ADCK5: variants seen among roughly 807,000 people sequenced by gnomAD.
ADCK5 encodes the protein aarF domain containing kinase 5, also known as uncharacterized aarF domain-containing protein kinase 5.
A neutral mutation model predicts 64.9 loss-of-function variants in ADCK5; 43 were observed. That is an observed-to-expected ratio of 0.66 (90% CI 0.52 to 0.85). The LOEUF is 0.85. Ranked by LOEUF, ADCK5 falls within the 40% of genes least tolerant of loss-of-function variation. ADCK5 has a pLI of 0.00. For missense variants in ADCK5, 760 were observed against 810.5 expected, an observed-to-expected ratio of 0.94 and a Z score of 0.76; for synonymous variants, 434 against 342.8, an observed-to-expected ratio of 1.27 and a Z score of -2.94.
intron 2 of ADCK5, among the ~76,000 whole-genome samples, chr8:144,382,288 G>T (rs148919727): frequency 1.3e-5 from 2 of 152,038 alleles, no homozygotes; most frequent in East Asian, 3.9e-4. Context: ...ATTATGGGCC[G>T]GGTGCAGAAA....
intron 12 of ADCK5, 25 bp from the exon 13 acceptor site, chr8:144,392,420 C>T (rs1311363279): frequency 2.2e-6 from 3 of 1,345,888 alleles, no homozygotes; most frequent in East Asian, 2.6e-5. Flanking sequence ...GAGCCCCCTC[C>T]CTCCCTCCCT....
At chr8:144,375,346 G>A in intron 1 of ADCK5, 1 of 642,908 alleles carries the variant, frequency 1.6e-6, no homozygotes, top group Non-Finnish European at 1.9e-6. Context: ...ACCCTGCCCA[G>A]ACTCCCAATC....
rs1194313074 is a variant in ADCK5, at chr8:144,392,545, G to C, written c.1368G>C (p.Val456=). 5.8e-6 allele frequency: 9 copies of C among 1,564,374 alleles called. No homozygotes were observed. Among genetic ancestry groups the C allele is most frequent in the Non-Finnish European group, 7.8e-6 (9 of 1,161,138 alleles). ...GCCGCGAAGAGGCGGCCTACATGGT[G>C]GACATGGCCCGCGAGCGCTTCGAGG... is the stretch of plus-strand genomic sequence containing the variant. ...LLSREEAAYM[V]DMARERFEAV... The change falls in exon 13 of 15, where the codon GTG becomes GTC. Residue 456 remains valine, a synonymous_variant. Coordinates refer to ENST00000308860, the MANE Select transcript of ADCK5 (RefSeq NM_174922.5).
Position 144,392,849 on chromosome 8 carries a change from G to A in ADCK5, c.1594G>A (p.Ala532Thr), listed in dbSNP as rs1392501972. 3.1e-6 allele frequency: 5 copies of A among 1,596,042 alleles called. No individual in the cohort carries two copies. The highest frequency in any genetic ancestry group is 1.3e-5 in the African/African-American group (1 of 74,822). Residue 532 changes from alanine (A) to threonine (T), a missense_variant, in exon 14 of 15, where the codon GCC becomes ACC. By Grantham distance (58) the Ala-to-Thr change is moderately conservative (BLOSUM62 0). This residue lies in a region of ADCK5 where 333 missense variants were observed against 292.0 expected (regional missense o/e 1.14). Coordinates refer to ENST00000308860, the MANE Select transcript of ADCK5 (RefSeq NM_174922.5). ...CTACGGCACCAGCCTCCTGCGCCAC[G>A]CCAAGGTCGTCTGGGAGATGCTCAA... Reference protein sequence around the residue: ...GVYGTSLLRHAKVVWEMLKFE... With the variant: ...GVYGTSLLRHTKVVWEMLKFE...
rs1483071504 is a variant in ADCK5, at chr8:144,384,236, G to A, written c.266+1006G>A. On this transcript the variant is annotated intron_variant, in intron 3 of 14. Coordinates refer to ENST00000308860, the MANE Select transcript of ADCK5 (RefSeq NM_174922.5). This position sits in a 1 kb window ranked among gnomAD's most constrained non-coding sequence, Gnocchi z 5.7. ...CCCCCAAAGCCCTTTTGAATGGAGC[G>A]TCAGGGCAGGAAGGAGGCAGGGAGG... 2.0e-5 allele frequency among the ~76,000 whole-genome samples: 3 copies of A among 152,020 alleles called. No homozygotes were observed. The highest frequency in any genetic ancestry group is 2.4e-5 in the African/African-American group (1 of 41,392).
In ADCK5 at chr8:144,393,188, C is replaced by T. The variant is rs1820419758; in HGVS notation, c.*114C>T. Reference sequence around the variant, plus strand: ...GGGCACTCGCACTGGGGGGCTGTGACAGCAGCTGGGCCAGGAGGCCGTGTA... The same window carrying T: ...GGGCACTCGCACTGGGGGGCTGTGATAGCAGCTGGGCCAGGAGGCCGTGTA... On this transcript the variant is annotated 3_prime_UTR_variant, in exon 15 of 15. Coordinates refer to ENST00000308860, the MANE Select transcript of ADCK5 (RefSeq NM_174922.5). 4.4e-6 allele frequency: 6 copies of T among 1,349,762 alleles called. No homozygotes were observed. The highest frequency in any genetic ancestry group is 2.7e-5 in the Admixed American group (1 of 36,864). The allele number at this position is 1,349,762 out of a possible 1,614,324, so 83.6% of individuals were successfully genotyped here.
chr8:144,373,964 A>G, upstream of ADCK5: 1 of 1,050,302 alleles, frequency 9.5e-7, no homozygotes, highest in Non-Finnish European at 1.2e-6. Flanking sequence ...CGTGGCCTCC[A>G]GCCTCGCCCA....
At chr8:144,373,917 GA>G, upstream of ADCK5, 1 of 677,606 alleles carries the variant, frequency 1.5e-6, no homozygotes, top group African/African-American at 1.9e-5. Context: ...GCCGCCAGGG[GA>G]CGCTGCCCCG....
intron 2 of ADCK5, among the ~76,000 whole-genome samples, chr8:144,379,777 TC>T (rs1297246446): frequency 2.0e-5 from 3 of 151,964 alleles, no homozygotes; most frequent in Non-Finnish European, 4.4e-5. Flanking sequence ...GCAAACCGGG[TC>T]ATTCAGAGCA....
chr8:144,385,523 G>T (rs1019381353), intron 3 of ADCK5, among the ~76,000 whole-genome samples: 3 of 150,956 alleles, frequency 2.0e-5, no homozygotes, highest in Non-Finnish European at 4.4e-5. Context: ...GCTCACGCCT[G>T]TAATCCCAGC....
intron 8 of ADCK5, 23 bp downstream of exon 8, chr8:144,391,734 G>A (rs1391754043): frequency 1.3e-6 from 2 of 1,538,338 alleles, no homozygotes; most frequent in Non-Finnish European, 1.7e-6. Flanking sequence ...AGGCCCTTGG[G>A]GTGGGCACAG....
chr8:144,392,639 C>T lies in ADCK5; in HGVS notation c.1462C>T (p.Arg488Cys), dbSNP rs1554861422. ...LLVLRNINTV[R>C]AINVALGAPV... Reference sequence around the variant, plus strand: ...GGTGCTGCGCAACATCAACACCGTGCGCGCTATCAACGTGGCCCTCGGCGC... The same window carrying T: ...GGTGCTGCGCAACATCAACACCGTGTGCGCTATCAACGTGGCCCTCGGCGC... Residue 488 changes from arginine (R) to cysteine (C), a missense_variant, in exon 13 of 15, where the codon CGC (arginine) becomes TGC (cysteine). Physicochemically the swap from Arg to Cys is radical, Grantham distance 180 (BLOSUM62 -3). Around this residue, in one of 2 missense-constraint regions of ADCK5, gnomAD observed 333 missense variants for 292.0 expected, o/e 1.14. Coordinates refer to ENST00000308860, the MANE Select transcript of ADCK5 (RefSeq NM_174922.5). The T allele has an allele frequency of 6.3e-7, 1 of 1,594,216 alleles. No individual in the cohort carries two copies. Among genetic ancestry groups the T allele is most frequent in the Non-Finnish European group, 8.5e-7 (1 of 1,173,188 alleles).
At chr8:144,389,917 C>T (rs1225162565) in intron 3 of ADCK5, among the ~76,000 whole-genome samples, 1 of 151,920 alleles carries the variant, frequency 6.6e-6, no homozygotes. Flanking sequence ...CAACCTCTGC[C>T]TCTCGGGTTC....
rs1478033862 is a variant in ADCK5, at chr8:144,391,165, C to T, written c.575C>T (p.Ala192Val). The T allele has an allele frequency of 6.2e-7, 1 of 1,611,428 alleles. No homozygotes were observed. The highest frequency in any genetic ancestry group is 8.5e-7 in the Non-Finnish European group (1 of 1,179,924). ...GAGTTGTTCCTTGAGGACTTCCAGG[C>T]CCTCCCCCACGAGCTCTTCCAGGAG... ...VDELFLEDFQALPHELFQEFD... is the reference protein window; with the variant it reads ...VDELFLEDFQVLPHELFQEFD... Residue 192 changes from alanine to valine, a missense_variant, in exon 6 of 15, where the codon GCC (alanine) becomes GTC (valine). By Grantham distance (64) the Ala-to-Val change is moderately conservative (BLOSUM62 0). Around this residue, in one of 2 missense-constraint regions of ADCK5, gnomAD observed 427 missense variants for 518.4 expected, o/e 0.82. Coordinates refer to ENST00000308860, the MANE Select transcript of ADCK5 (RefSeq NM_174922.5).
Position 144,392,314 on chromosome 8 carries a change from G to C in ADCK5, c.1236G>C (p.Met412Ile). 3 of 1,376,690 alleles carry C rather than the reference G, an allele frequency of 2.2e-6. No individual in the cohort carries two copies. The highest frequency in any genetic ancestry group is 2.9e-6 in the Non-Finnish European group (3 of 1,033,078). 85.3% of individuals were successfully genotyped at this position (1,376,690 alleles called of 1,614,324 possible). Reference sequence around the variant, plus strand: ...TCATCCTGCGGGACGACGCCGCCATGAGGGCGCACGCAGCCGCACTGGGGG... The same window carrying C: ...TCATCCTGCGGGACGACGCCGCCATCAGGGCGCACGCAGCCGCACTGGGGG... ...RAIILRDDAAMRAHAAALGVQ... is the reference protein window; with the variant it reads ...RAIILRDDAAIRAHAAALGVQ... Residue 412 changes from methionine to isoleucine, a missense_variant, in exon 12 of 15, where the codon ATG (methionine) becomes ATC (isoleucine). This residue lies in a region of ADCK5 where 333 missense variants were observed against 292.0 expected (regional missense o/e 1.14). Coordinates refer to ENST00000308860, the MANE Select transcript of ADCK5 (RefSeq NM_174922.5).
At chr8:144,378,790 A>C (rs1362922733) in intron 1 of ADCK5, among the ~76,000 whole-genome samples, 2 of 151,836 alleles carry the variant, frequency 1.3e-5, no homozygotes, top group Admixed American at 6.6e-5. Context: ...GGGGCAAGAG[A>C]ATCACTTGAA....
Position 144,383,155 on chromosome 8 carries a change from C to T in ADCK5, c.191C>T (p.Ala64Val). Residue 64 changes from alanine (A) to valine (V), a missense_variant, in exon 3 of 15, where the codon GCC becomes GTC. Physicochemically the swap from Ala to Val is moderately conservative, Grantham distance 64 (BLOSUM62 0). Around this residue, in one of 2 missense-constraint regions of ADCK5, gnomAD observed 427 missense variants for 518.4 expected, o/e 0.82. Coordinates refer to ENST00000308860, the MANE Select transcript of ADCK5 (RefSeq NM_174922.5). ...GTGGGGGCGCCCCTGCTCCTCGGAG[C>T]CCGCTATGTCATGGCAGAGGCACGG... The part of the protein sequence containing the change: ...AVVGAPLLLG[A>V]RYVMAEAREK... 1 of 1,595,842 alleles carries T rather than the reference C, an allele frequency of 6.3e-7. No individual in the cohort carries two copies. Among genetic ancestry groups the T allele is most frequent in the Non-Finnish European group, 8.5e-7 (1 of 1,171,692 alleles).
rs1554860845 is a variant in ADCK5 at position 144,391,925 on chromosome 8, C to T, written c.1015-16C>T. The T allele has an allele frequency of 6.2e-7, 1 of 1,612,070 alleles. No homozygotes were observed. Among genetic ancestry groups the T allele is most frequent in the African/African-American group, 1.3e-5 (1 of 75,008 alleles). ...GGCTGGTGCTGTGTCCACTGCAATG[C>T]CTCTCCTCTCCCCAGATAGCAGAAA... On this transcript the variant is annotated splice_polypyrimidine_tract_variant and intron_variant, in intron 9 of 14. Transcript: ENST00000308860.
rs367975986 is a variant in ADCK5 at position 144,392,559 on chromosome 8, A to C, written c.1382A>C (p.Glu461Ala). 4.5e-6 allele frequency: 7 copies of C among 1,568,310 alleles called. No individual in the cohort carries two copies. The East Asian group carries it at 7.0e-5, about 16-fold the overall frequency. Reference protein sequence around the residue: ...EAAYMVDMARERFEAVMAVLR... With the variant: ...EAAYMVDMARARFEAVMAVLR... ...GCCTACATGGTGGACATGGCCCGCG[A>C]GCGCTTCGAGGCCGTCATGGCGGTG... The change falls in exon 13 of 15, where the codon GAG (glutamate) becomes GCG (alanine). Residue 461 changes from glutamate (E) to alanine (A), a missense_variant. Glu to Ala is a moderately radical substitution (Grantham distance 107, BLOSUM62 -1). Transcript: ENST00000308860.
Sources: gnomAD v4.1 joint callset for allele counts (sites outside exome capture counted in the v4.1 genomes callset) on GRCh38, gnomAD v4.1.1 for gene constraint, gnomAD v4.1.1 regional missense constraint, Gnocchi (gnomAD v3.1) non-coding constraint, MANE v1.5 for transcripts, NCBI Gene and HGNC (gene_info 2026-07-23, HGNC 2026-07-21) for gene names.